Variants in ADAMTS3 observed in about 807,000 individuals in gnomAD.
The protein encoded by ADAMTS3 is ADAM metallopeptidase with thrombospondin type 1 motif 3, also known as A disintegrin and metalloproteinase with thrombospondin motifs 3.
A neutral mutation model predicts 129.0 loss-of-function variants in ADAMTS3; 73 were observed. The ratio of observed to expected loss-of-function variants is 0.57; its 90% CI spans 0.47 to 0.69. ADAMTS3 has a LOEUF of 0.69. Among genes scored for constraint, ADAMTS3 ranks in the 30% least tolerant of loss-of-function variants. The pLI, the probability that ADAMTS3 is intolerant of heterozygous loss-of-function variation, is 0.00. For synonymous variants in ADAMTS3, 477 were observed against 510.8 expected (o/e 0.93, Z 0.89); for missense variants, 1,457 against 1,514.5 (o/e 0.96, Z 0.63).
intron 3 of ADAMTS3, among the ~76,000 whole-genome samples, chr4:72,432,170 C>T (rs1722716094): frequency 6.6e-6 from 1 of 151,912 alleles, no homozygotes; most frequent in South Asian, 2.1e-4. Flanking sequence ...CCAGTTTCCT[C>T]CACAATTAGG....
chr4:72,356,315 G>C (rs959592568), intron 4 of ADAMTS3, among the ~76,000 whole-genome samples: 1 of 151,708 alleles, frequency 6.6e-6, no homozygotes, highest in Non-Finnish European at 1.5e-5. Flanking sequence ...CCAAGAGTAG[G>C]AGTATAGTTG....
intron 3 of ADAMTS3, among the ~76,000 whole-genome samples, chr4:72,434,283 T>C (rs1353905789): frequency 6.6e-6 from 1 of 151,872 alleles, no homozygotes; most frequent in Non-Finnish European, 1.5e-5. Context: ...ATTCATTTGC[T>C]CATTCAGTCA....
At chr4:72,534,198 G>A (rs975246031) in intron 3 of ADAMTS3, among the ~76,000 whole-genome samples, 1 of 152,094 alleles carries the variant, frequency 6.6e-6, no homozygotes, top group African/African-American at 2.4e-5. Context: ...GTGGTGGCGG[G>A]TGCCTGCAGT....
At chr4:72,319,697 A>C (rs1328088336) in intron 8 of ADAMTS3, among the ~76,000 whole-genome samples, 161 bp downstream of exon 8, 1 of 152,194 alleles carries the variant, frequency 6.6e-6, no homozygotes, top group Non-Finnish European at 1.5e-5. Context: ...TCACTCATTT[A>C]GTTTCCGTGC....
At chr4:72,300,448 T>C (rs1055323840) in intron 17 of ADAMTS3, among the ~76,000 whole-genome samples, 13 of 152,286 alleles carry the variant, frequency 8.5e-5, no homozygotes, top group Admixed American at 8.5e-4. Context: ...TATATCAGCA[T>C]GAAATACAGC....
chr4:72,519,779 T>G (rs1263202142), intron 3 of ADAMTS3, among the ~76,000 whole-genome samples: 2 of 152,248 alleles, frequency 1.3e-5, no homozygotes, highest in African/African-American at 2.4e-5. Flanking sequence ...TGCCTTTGGT[T>G]TGAATTTCTT....
At chr4:72,316,823 G>A (rs1212417110) in intron 10 of ADAMTS3, among the ~76,000 whole-genome samples, 2 of 152,110 alleles carry the variant, frequency 1.3e-5, no homozygotes, top group East Asian at 1.9e-4. Flanking sequence ...CATTCATATA[G>A]TTTATGAAAT....
At chr4:72,450,860 T>C (rs758852400) in intron 3 of ADAMTS3, among the ~76,000 whole-genome samples, 9 of 148,362 alleles carry the variant, frequency 6.1e-5, no homozygotes, top group Admixed American at 5.4e-4. Flanking sequence ...ATTCCACACA[T>C]CACTACCCCC....
chr4:72,426,223 TC>T (rs1722571275), intron 3 of ADAMTS3, among the ~76,000 whole-genome samples: 1 of 152,200 alleles, frequency 6.6e-6, no homozygotes. Context: ...CATTGTAGAT[TC>T]TGGATATTAG....
At chr4:72,376,193 G>C (rs1185574373) in intron 4 of ADAMTS3, among the ~76,000 whole-genome samples, 2 of 152,098 alleles carry the variant, frequency 1.3e-5, no homozygotes, top group Non-Finnish European at 2.9e-5. Flanking sequence ...AAATATCATA[G>C]GCTTGGTAAT....
At chr4:72,530,763 A>G (rs1487372110) in intron 3 of ADAMTS3, among the ~76,000 whole-genome samples, 1 of 3,852 alleles carries the variant, frequency 2.6e-4, no homozygotes, top group South Asian at 0.026. Context: ...TATATATTAT[A>G]TAGATTATAT....
chr4:72,425,309 A>T (rs1172942130), intron 3 of ADAMTS3, among the ~76,000 whole-genome samples: 1 of 152,080 alleles, frequency 6.6e-6, no homozygotes, highest in Non-Finnish European at 1.5e-5. Context: ...AAAATATATA[A>T]AACATTTATT....
chr4:72,543,817 T>A (rs1333693425), intron 3 of ADAMTS3, among the ~76,000 whole-genome samples: 1 of 152,124 alleles, frequency 6.6e-6, no homozygotes, highest in East Asian at 1.9e-4. Context: ...ACCATATGAA[T>A]GTACTTAACA....
rs1393626336 is a variant in ADAMTS3, at chr4:72,313,888, A to C, written c.1600-66T>G. The C allele has an allele frequency of 6.3e-6, 10 of 1,577,682 alleles. No individual in the cohort carries two copies. In the Admixed American group the frequency reaches 1.7e-4, roughly 27 times the overall value. On this transcript the variant is annotated intron_variant, in intron 11 of 21. Transcript: ENST00000286657. ...ACACTAAAGCTGAAGTTGTTATACA[A>C]GAACCATCTAGTTGAAGGGCTTTCT...
At chr4:72,509,986 C>A (rs1720270501) in intron 3 of ADAMTS3, among the ~76,000 whole-genome samples, 2 of 151,486 alleles carry the variant, frequency 1.3e-5, no homozygotes, top group South Asian at 2.1e-4. Context: ...CGTGATACAT[C>A]ATATCAACAG....
intron 3 of ADAMTS3, among the ~76,000 whole-genome samples, chr4:72,532,781 T>A (rs1159545073): frequency 6.6e-6 from 1 of 152,136 alleles, no homozygotes; most frequent in African/African-American, 2.4e-5. Flanking sequence ...GAAACTGTCA[T>A]AACATAGGAA....
rs1454935423 is a variant in ADAMTS3, at chr4:72,530,410, A to G, written c.504+18068T>C. Among the ~76,000 whole-genome samples, 183 of 86,928 alleles carry G rather than the reference A, an allele frequency of 2.1e-3. 1 individual carries two copies. Among genetic ancestry groups the G allele is most frequent in the African/African-American group, 8.1e-3 (173 of 21,380 alleles). 57.0% of individuals were successfully genotyped at this position (86,928 alleles called of 152,430 possible). ...TTAAATTAACATATATGAATTTAAT[A>G]TATAATATATATTAAATTAATATAT... On this transcript the variant is annotated intron_variant, in intron 3 of 21. Transcript: ENST00000286657.
intron 3 of ADAMTS3, among the ~76,000 whole-genome samples, chr4:72,540,237 T>C (rs1162989303): frequency 2.0e-5 from 3 of 152,156 alleles, no homozygotes; most frequent in African/African-American, 7.2e-5. Flanking sequence ...ACTCTTGTTA[T>C]GTTTCAGCAA....
intron 4 of ADAMTS3, among the ~76,000 whole-genome samples, chr4:72,384,023 A>G (rs1721371414): frequency 6.6e-6 from 1 of 151,728 alleles, no homozygotes; most frequent in Non-Finnish European, 1.5e-5. Flanking sequence ...AAATATATAT[A>G]TATTTTAAAA....
Sources: gnomAD v4.1 joint callset for allele counts (sites outside exome capture counted in the v4.1 genomes callset) on GRCh38, gnomAD v4.1.1 for gene constraint, MANE v1.5 for transcripts, NCBI Gene and HGNC (gene_info 2026-07-23, HGNC 2026-07-21) for gene names.